FUT9: variants seen among roughly 807,000 people sequenced by gnomAD.
FUT9 encodes fucosyltransferase 9.
Under a neutral mutation model 29.7 loss-of-function variants are expected in FUT9, and 15 were observed. That is an observed-to-expected ratio of 0.51 (90% confidence interval 0.34 to 0.78). The LOEUF is 0.78. Ranked by LOEUF, FUT9 falls within the 30% of genes least tolerant of loss-of-function variation. The pLI, the probability that FUT9 is intolerant of heterozygous loss-of-function variation, is 0.01. For synonymous variants in FUT9, 169 were observed against 153.7 expected, an observed-to-expected ratio of 1.10 and a Z score of -0.74; for missense variants, 319 against 425.4, an observed-to-expected ratio of 0.75 and a Z score of 2.20.
chr6:96,191,882 G>A (rs1267405291), intron 2 of FUT9, among the ~76,000 whole-genome samples: 1 of 152,198 alleles, frequency 6.6e-6, no homozygotes, highest in Non-Finnish European at 1.5e-5. Context: ...TCCCTGGGAT[G>A]CAAGGCTGGT....
Position 96,204,198 on chromosome 6 carries a change from A to C in FUT9, c.1043A>C (p.Lys348Thr). The C allele has an allele frequency of 6.9e-7, 1 of 1,457,108 alleles. No individual in the cohort carries two copies. Among genetic ancestry groups the C allele is most frequent in the Non-Finnish European group, 9.1e-7 (1 of 1,101,906 alleles). 90.3% of individuals were successfully genotyped at this position (1,457,108 alleles called of 1,614,324 possible). The change falls in exon 3 of 3, where the codon AAG (lysine) becomes ACG (threonine). Residue 348 changes from lysine to threonine, a missense_variant. Physicochemically the swap from Lys to Thr is moderately conservative, Grantham distance 78. Coordinates refer to ENST00000302103, the MANE Select transcript of FUT9 (RefSeq NM_006581.4). ...CDHVKRHQEY[K>T]SVGNLEKWFW... Reference sequence around the variant, plus strand: ...CATGTGAAAAGGCATCAAGAATATAAGTCTGTTGGTAATTTAGAGAAATGG... The same window carrying C: ...CATGTGAAAAGGCATCAAGAATATACGTCTGTTGGTAATTTAGAGAAATGG...
intron 1 of FUT9, among the ~76,000 whole-genome samples, chr6:96,041,174 T>C (rs1235719649): frequency 6.6e-6 from 1 of 151,628 alleles, no homozygotes; most frequent in African/African-American, 2.4e-5. Context: ...CCCCATCTAG[T>C]AGACTGCCAA....
chr6:96,151,087 C>G (rs531915587), intron 2 of FUT9, among the ~76,000 whole-genome samples: 12 of 152,248 alleles, frequency 7.9e-5, no homozygotes, highest in African/African-American at 2.9e-4. Flanking sequence ...ATATGATTTT[C>G]AAACTTAGCA....
chr6:96,168,563 A>C (rs564368776), intron 2 of FUT9, among the ~76,000 whole-genome samples: 4 of 152,308 alleles, frequency 2.6e-5, no homozygotes, highest in African/African-American at 9.6e-5. Flanking sequence ...CTGAGAATTG[A>C]CCATTAAACT....
In FUT9 at chr6:96,177,068, C is replaced by T. The variant is rs139239731; in HGVS notation, c.-8-26080C>T. On this transcript the variant is annotated intron_variant, in intron 2 of 2. Transcript: ENST00000302103. ...GGCTCTTCCCATGGTTTGTGAGAGG[C>T]CACTTCTATCTCCTTTAAATATTAC... is the stretch of plus-strand genomic sequence containing the variant. Among the ~76,000 whole-genome samples the T allele has an allele frequency of 3.5e-3, 528 of 152,184 alleles. 2 individuals carry two copies. The highest frequency in any genetic ancestry group is 0.011 in the African/African-American group (472 of 41,510).
chr6:96,211,377 G>T lies in FUT9; in HGVS notation c.*7142G>T, dbSNP rs1404492079. Reference sequence around the variant, plus strand: ...ATGTCACAGAATAGGATAGCAAGAAGATTCTCAGAGATCATTTTCTGGTAA... The same window carrying T: ...ATGTCACAGAATAGGATAGCAAGAATATTCTCAGAGATCATTTTCTGGTAA... On this transcript the variant is annotated 3_prime_UTR_variant, in exon 3 of 3. Transcript: ENST00000302103. 1 of 166,790 alleles carries T rather than the reference G, an allele frequency of 6.0e-6. No individual in the cohort carries two copies. The highest frequency in any genetic ancestry group is 1.9e-4 in the East Asian group (1 of 5,186). The allele number at this position is 166,790 out of a possible 1,614,324, so 10.3% of individuals were successfully genotyped here. A position where few individuals can be genotyped will look rare whatever the true frequency, so the allele number is the denominator to read the frequency against.
At chr6:96,027,829 T>G (rs766511085) in intron 1 of FUT9, among the ~76,000 whole-genome samples, 6 of 151,612 alleles carry the variant, frequency 4.0e-5, no homozygotes, top group Non-Finnish European at 8.9e-5. Context: ...CCAGAGCCAT[T>G]TTGGAAATTT....
chr6:96,062,315 T>C (rs1230644118), intron 1 of FUT9, among the ~76,000 whole-genome samples: 1 of 151,986 alleles, frequency 6.6e-6, no homozygotes, highest in African/African-American at 2.4e-5. Context: ...AGGAAGTAAA[T>C]GAGTGAACTA....
intron 1 of FUT9, among the ~76,000 whole-genome samples, chr6:96,092,829 T>C (rs964837216): frequency 1.3e-5 from 2 of 152,078 alleles, no homozygotes; most frequent in Non-Finnish European, 2.9e-5. Context: ...TGGAATGCAG[T>C]GGCACAATCA....
chr6:96,047,118 A>C (rs566590098), intron 1 of FUT9, among the ~76,000 whole-genome samples: 6 of 152,218 alleles, frequency 3.9e-5, no homozygotes, highest in African/African-American at 7.2e-5. Context: ...TATGGTTTGG[A>C]GCCCCATTGA....
chr6:96,183,523 T>C (rs527291250), intron 2 of FUT9, among the ~76,000 whole-genome samples: 1 of 152,214 alleles, frequency 6.6e-6, no homozygotes, highest in East Asian at 1.9e-4. Flanking sequence ...CTTGTTCCAG[T>C]TCTCAGAGGG....
chr6:96,031,643 A>T (rs1202372690), intron 1 of FUT9, among the ~76,000 whole-genome samples: 1 of 151,514 alleles, frequency 6.6e-6, no homozygotes. Flanking sequence ...AGCAATTTAT[A>T]AGGAAGTATA....
chr6:96,045,641 G>C (rs1770549405), intron 1 of FUT9, among the ~76,000 whole-genome samples: 1 of 152,222 alleles, frequency 6.6e-6, no homozygotes, highest in African/African-American at 2.4e-5. Context: ...AGCAGAGGAA[G>C]TGGGGGAGTA....
intron 1 of FUT9, among the ~76,000 whole-genome samples, chr6:96,065,719 T>G (rs1285449781): frequency 6.6e-6 from 1 of 152,168 alleles, no homozygotes; most frequent in Non-Finnish European, 1.5e-5. Flanking sequence ...ATCTATTACT[T>G]TGAATTTTTA....
intron 1 of FUT9, among the ~76,000 whole-genome samples, chr6:96,039,815 T>A (rs1169535496): frequency 1.3e-5 from 2 of 152,194 alleles, no homozygotes; most frequent in East Asian, 3.9e-4. Context: ...CAATGAGCAA[T>A]AAGTTGTGTA....
chr6:96,057,901 T>C (rs988224164), intron 1 of FUT9, among the ~76,000 whole-genome samples: 3 of 152,192 alleles, frequency 2.0e-5, no homozygotes, highest in Non-Finnish European at 4.4e-5. Context: ...TTTTGTCTCT[T>C]AGACTCTCAC....
chr6:96,021,924 TG>T (rs1353730307), intron 1 of FUT9, among the ~76,000 whole-genome samples: 2 of 152,064 alleles, frequency 1.3e-5, no homozygotes, highest in Admixed American at 6.6e-5. Flanking sequence ...GGTTAATTTA[TG>T]TTCAATATTG....
At chr6:96,041,718 C>T (rs1770464158) in intron 1 of FUT9, among the ~76,000 whole-genome samples, 1 of 152,206 alleles carries the variant, frequency 6.6e-6, no homozygotes, top group South Asian at 2.1e-4. Context: ...TTTTATTTTC[C>T]CTTGTTGAAT....
At position 96,204,332 on chromosome 6, in the gene FUT9, A is replaced by G. The variant is rs1773787617; in HGVS notation, c.*97A>G. On this transcript the variant is annotated 3_prime_UTR_variant, in exon 3 of 3. Transcript: ENST00000302103. ...ATGCAACATACTACTTTTGTGTCAC[A>G]ATTTATTTTTATCACCCTCTCTAGG... 3 of 878,594 alleles carry G rather than the reference A, an allele frequency of 3.4e-6. No homozygotes were observed. The highest frequency in any genetic ancestry group is 5.7e-5 in the Admixed American group (2 of 34,792). The allele number at this position is 878,594 out of a possible 1,614,324, so 54.4% of individuals were successfully genotyped here. A position where few individuals can be genotyped will look rare whatever the true frequency, so the allele number is the denominator to read the frequency against.
Sources: allele counts gnomAD v4.1 joint callset (sites outside exome capture counted in the v4.1 genomes callset), GRCh38; gene constraint gnomAD v4.1.1; transcripts MANE v1.5; gene names NCBI Gene and HGNC (gene_info 2026-07-23, HGNC 2026-07-21).